NCAPD3: variants seen among roughly 807,000 people sequenced by gnomAD.
The protein encoded by NCAPD3 is non-SMC condensin II complex subunit D3.
NCAPD3 carries 105 observed loss-of-function variants against 182.9 expected under a neutral mutation model. That is an observed-to-expected ratio of 0.57 (90% CI 0.49 to 0.68). The LOEUF is 0.68. Among genes scored for constraint, NCAPD3 ranks in the 30% least tolerant of loss-of-function variants. The pLI is 0.00. For missense variants in NCAPD3, 1,944 were observed against 1,837.0 expected (o/e 1.06, Z -1.07); for synonymous variants, 815 against 679.9 (o/e 1.20, Z -3.09).
At position 134,167,949 on chromosome 11, in the gene NCAPD3, GCA is replaced by G. The variant is rs751164853; in HGVS notation, c.3573+45_3573+46del. The G allele has an allele frequency of 4.5e-6, 7 of 1,563,380 alleles. No homozygotes were observed. In the African/African-American group the frequency reaches 8.1e-5, roughly 18 times the overall value. On this transcript the variant is annotated intron_variant, in intron 27 of 34. Transcript: ENST00000534548. ...CTCGTGAGATGAGCTTAGGGGAGCA[GCA>G]CACTCACTTGTGAGAAGATGATCTT...
At chr11:134,165,749 G>C (rs553108606) in intron 27 of NCAPD3, among the ~76,000 whole-genome samples, 2 of 144,346 alleles carry the variant, frequency 1.4e-5, no homozygotes, top group Non-Finnish European at 3.0e-5. Flanking sequence ...ACACTCACTT[G>C]TGAGATGAGC....
chr11:134,194,644 AT>A lies in NCAPD3; in HGVS notation c.1689+20del. 1 of 1,540,586 alleles carries A rather than the reference AT, an allele frequency of 6.5e-7. No homozygotes were observed. On this transcript the variant is annotated intron_variant, in intron 14 of 34. Transcript: ENST00000534548. Reference sequence around the variant, plus strand: ...AAGTTTTTAGTGCTTAAAAAAAAAAATGTGCAGAGAAAACTCCCACCTGCAG... The same window carrying A: ...AAGTTTTTAGTGCTTAAAAAAAAAAAGTGCAGAGAAAACTCCCACCTGCAG...
In NCAPD3 at chr11:134,203,678, T is replaced by C. The variant is rs1484923902; in HGVS notation, c.1444A>G (p.Ser482Gly). 6.2e-7 allele frequency: 1 copy of C among 1,613,594 alleles called. No individual in the cohort carries two copies. The highest frequency in any genetic ancestry group is 1.3e-5 in the African/African-American group (1 of 75,020). ...CTGTTAATCAGGAGCTCCAGGATAC[T>C]CTCCGACGCACTGGTAACAGTCAAC... ...LELTVTSASESILELLINSPT... is the reference protein window; with the variant it reads ...LELTVTSASEGILELLINSPT... Residue 482 changes from serine (S) to glycine (G), a missense_variant, in exon 11 of 35, where the codon AGT (serine) becomes GGT (glycine). Physicochemically the swap from Ser to Gly is moderately conservative, Grantham distance 56. Around this residue, in one of 3 missense-constraint regions of NCAPD3, gnomAD observed 1,803 missense variants for 1,674.6 expected, o/e 1.08. Coordinates refer to ENST00000534548, the MANE Select transcript of NCAPD3 (RefSeq NM_015261.3).
Position 134,162,274 on chromosome 11 carries a change from C to T in NCAPD3, c.3574-383G>A, listed in dbSNP as rs151279875. On this transcript the variant is annotated intron_variant, in intron 27 of 34. Coordinates refer to ENST00000534548, the MANE Select transcript of NCAPD3 (RefSeq NM_015261.3). ...CCTCCCCTTGGAACAGAAGTCAGCTCGTTCTGGCTACCCAGAGGGACACTT... is the reference window on the plus strand; with the variant it reads ...CCTCCCCTTGGAACAGAAGTCAGCTTGTTCTGGCTACCCAGAGGGACACTT... Among the ~76,000 whole-genome samples the T allele has an allele frequency of 4.6e-5, 7 of 152,300 alleles. 1 individual carries two copies. Among genetic ancestry groups the T allele is most frequent in the East Asian group, 1.9e-4 (1 of 5,186 alleles).
At chr11:134,183,625 A>C (rs1212128125) in intron 19 of NCAPD3, among the ~76,000 whole-genome samples, 3 of 152,352 alleles carry the variant, frequency 2.0e-5, no homozygotes, top group African/African-American at 7.2e-5. Flanking sequence ...AAAGGGTTAG[A>C]AAAATCAAAT....
At chr11:134,175,229 C>T (rs551381969) in intron 24 of NCAPD3, among the ~76,000 whole-genome samples, 2 of 152,308 alleles carry the variant, frequency 1.3e-5, no homozygotes, top group East Asian at 3.9e-4. Context: ...GGTTAAGTAA[C>T]CGATTTTACC....
chr11:134,153,540 C>A, intron 32 of NCAPD3, 177 bp from the exon 33 acceptor site: 1 of 658,972 alleles, frequency 1.5e-6, no homozygotes, highest in Non-Finnish European at 2.7e-6. Flanking sequence ...CCTGGGGATG[C>A]TCCTTTCCGT....
Position 134,181,064 on chromosome 11 carries a change from A to C in NCAPD3, c.2559+13T>G. The C allele has an allele frequency of 6.3e-7, 1 of 1,586,944 alleles. No individual in the cohort carries two copies. The highest frequency in any genetic ancestry group is 8.7e-7 in the Non-Finnish European group (1 of 1,155,368). On this transcript the variant is annotated intron_variant, in intron 20 of 34. Transcript: ENST00000534548. The stretch of plus-strand genomic sequence containing the variant: ...GGAAGCGAAAAGAATGGTTAGGAAA[A>C]GCAGTCGCTTACCAACAGGTCTTCG...
chr11:134,159,945 G>A lies in NCAPD3; in HGVS notation c.3814C>T (p.His1272Tyr), dbSNP rs774618413. 20 of 1,613,856 alleles carry A rather than the reference G, an allele frequency of 1.2e-5. No homozygotes were observed. The highest frequency in any genetic ancestry group is 1.6e-4 in the Middle Eastern group (1 of 6,084). Reference sequence around the variant, plus strand: ...CCAGCCGTCCCGGCCACATCTGCATGTTTTGCTAGCTCCTGCTCCTGGACC... The same window carrying A: ...CCAGCCGTCCCGGCCACATCTGCATATTTTGCTAGCTCCTGCTCCTGGACC... ...QLVQEQELAKHADVAGTAGGA... is the reference protein window; with the variant it reads ...QLVQEQELAKYADVAGTAGGA... The change falls in exon 29 of 35, where the codon CAT (histidine) becomes TAT (tyrosine). Residue 1272 changes from histidine (H) to tyrosine (Y), a missense_variant. By Grantham distance (83) the His-to-Tyr change is moderately conservative. Transcript: ENST00000534548.
At position 134,160,013 on chromosome 11, in the gene NCAPD3, G is replaced by A. The variant is rs1231520595; in HGVS notation, c.3746C>T (p.Ala1249Val). 3 of 1,614,108 alleles carry A rather than the reference G, an allele frequency of 1.9e-6. No individual in the cohort carries two copies. The highest frequency in any genetic ancestry group is 2.2e-5 in the East Asian group (1 of 44,878). Reference protein sequence around the residue: ...KDFFAVDKQLASELEYDMKKY... With the variant: ...KDFFAVDKQLVSELEYDMKKY... Reference sequence around the variant, plus strand: ...CTTCATGTCATACTCAAGCTCTGATGCCAGCTGTTTGTCAACTGCAAAGAA... The same window carrying A: ...CTTCATGTCATACTCAAGCTCTGATACCAGCTGTTTGTCAACTGCAAAGAA... The change falls in exon 29 of 35, where the codon GCA becomes GTA. Residue 1249 changes from alanine to valine, a missense_variant. Physicochemically the swap from Ala to Val is moderately conservative, Grantham distance 64. Coordinates refer to ENST00000534548, the MANE Select transcript of NCAPD3 (RefSeq NM_015261.3).
At chr11:134,167,934 G>C (rs903053723) in intron 27 of NCAPD3, 62 bp downstream of exon 27, 1 of 1,496,572 alleles carries the variant, frequency 6.7e-7, no homozygotes, top group Non-Finnish European at 9.2e-7. Flanking sequence ...CTCGTGAGAT[G>C]AGCTTAGGGG....
chr11:134,203,261 G>A (rs1261566533), intron 11 of NCAPD3, 63 bp from the exon 12 acceptor site: 11 of 1,163,600 alleles, frequency 9.5e-6, no homozygotes, highest in African/African-American at 4.6e-5. Context: ...AATTATCCAC[G>A]GAGGAATCAA....
intron 4 of NCAPD3, 51 bp from the exon 5 acceptor site, chr11:134,209,528 G>A (rs775494357): frequency 2.6e-6 from 4 of 1,533,886 alleles, no homozygotes; most frequent in Non-Finnish European, 3.5e-6. Flanking sequence ...CAAACACTTT[G>A]TCCCATGGTT....
chr11:134,213,082 C>T (rs1173806243), intron 3 of NCAPD3, among the ~76,000 whole-genome samples: 1 of 152,152 alleles, frequency 6.6e-6, no homozygotes, highest in Non-Finnish European at 1.5e-5. Flanking sequence ...AATCCCAGCC[C>T]TTTGGGAGGC....
chr11:134,175,137 A>G (rs1040049126), intron 24 of NCAPD3, among the ~76,000 whole-genome samples: 3 of 152,352 alleles, frequency 2.0e-5, no homozygotes, highest in African/African-American at 4.8e-5. Flanking sequence ...CAAATCCCAC[A>G]TACAGTTTAC....
At chr11:134,209,534 T>C (rs1937747930) in intron 4 of NCAPD3, 57 bp from the exon 5 acceptor site, 4 of 1,517,862 alleles carry the variant, frequency 2.6e-6, no homozygotes, top group South Asian at 2.5e-5. Flanking sequence ...CTTTGTCCCA[T>C]GGTTTTCAAT....
At chr11:134,167,731 C>A (rs554662333) in intron 27 of NCAPD3, among the ~76,000 whole-genome samples, 1 of 135,778 alleles carries the variant, frequency 7.4e-6, no homozygotes, top group African/African-American at 2.8e-5. Flanking sequence ...GAGGCGCACA[C>A]TCGTGAGATG....
chr11:134,209,298 G>C lies in NCAPD3; in HGVS notation c.732+15C>G, dbSNP rs964829902. The C allele has an allele frequency of 6.2e-7, 1 of 1,609,416 alleles. No individual in the cohort carries two copies. Among genetic ancestry groups the C allele is most frequent in the Non-Finnish European group, 8.5e-7 (1 of 1,178,588 alleles). On this transcript the variant is annotated intron_variant, in intron 5 of 34. Transcript: ENST00000534548. ...CCTTTGAAGTTGCCCTAAGGTTCCT[G>C]GAATTTTCACTTACCTCTATACAAT...
chr11:134,161,484 G>T (rs1943578683), intron 28 of NCAPD3, among the ~76,000 whole-genome samples: 1 of 152,214 alleles, frequency 6.6e-6, no homozygotes, highest in South Asian at 2.1e-4. Flanking sequence ...AGATGACTGT[G>T]TTCTTGACCC....
Sources: allele counts gnomAD v4.1 joint callset (sites outside exome capture counted in the v4.1 genomes callset), GRCh38; gene constraint gnomAD v4.1.1; regional missense constraint gnomAD v4.1.1; transcripts MANE v1.5; gene names NCBI Gene and HGNC (gene_info 2026-07-23, HGNC 2026-07-21).